FRY: variants seen among roughly 807,000 people sequenced by gnomAD.
The protein encoded by FRY is FRY microtubule binding protein, also known as protein furry homolog.
FRY carries 128 observed loss-of-function variants against 348.4 expected under a neutral mutation model. The ratio of observed to expected loss-of-function variants is 0.37; its 90% CI spans 0.32 to 0.43. FRY has a LOEUF of 0.43. FRY is among the 20% of genes least tolerant of loss of function. The pLI is 1.00. For synonymous variants in FRY, 1,370 were observed against 1,374.7 expected, an observed-to-expected ratio of 1.00 and a Z score of 0.08; for missense variants, 2,736 against 3,695.2, an observed-to-expected ratio of 0.74 and a Z score of 6.73.
chr13:32,240,831 TCCAGATG>T (rs991656336), intron 46 of FRY, among the ~76,000 whole-genome samples: 1 of 152,196 alleles, frequency 6.6e-6, no homozygotes, highest in African/African-American at 2.4e-5. Flanking sequence ...ATATCATCAA[TCCAGATG>T]CCAGATAGGT....
At chr13:32,170,224 A>G (rs1319312144) in intron 17 of FRY, among the ~76,000 whole-genome samples, 1 of 152,218 alleles carries the variant, frequency 6.6e-6, no homozygotes, top group Admixed American at 6.5e-5. Context: ...CCTTAAGAAT[A>G]GGATTCGATA....
At chr13:32,222,001 A>C (rs1354115956) in intron 36 of FRY, among the ~76,000 whole-genome samples, 1 of 152,024 alleles carries the variant, frequency 6.6e-6, no homozygotes, top group African/African-American at 2.4e-5. Flanking sequence ...TTGGTGATCC[A>C]TGGGTGGAGG....
chr13:32,289,860 G>T (rs1889245037), intron 59 of FRY, 117 bp downstream of exon 59: 4 of 709,548 alleles, frequency 5.6e-6, no homozygotes, highest in African/African-American at 1.8e-5. Context: ...TAATTATTTT[G>T]CTCAAACACA....
chr13:32,161,782 G>A (rs1042553417), intron 17 of FRY, among the ~76,000 whole-genome samples: 3 of 152,194 alleles, frequency 2.0e-5, no homozygotes, highest in Non-Finnish European at 4.4e-5. Context: ...ACTAGTTTTA[G>A]TATAGTGCTT....
intron 29 of FRY, among the ~76,000 whole-genome samples, chr13:32,198,534 A>T (rs9567413): frequency 0.046 from 6,965 of 152,280 alleles, 351 homozygotes; most frequent in East Asian, 0.28. Flanking sequence ...AATTCTTTGA[A>T]GTCAGACTTA....
chr13:32,179,454 T>G (rs988452282), intron 22 of FRY, among the ~76,000 whole-genome samples: 1 of 151,756 alleles, frequency 6.6e-6, no homozygotes, highest in Non-Finnish European at 1.5e-5. Context: ...AAAATTTCTT[T>G]AGAATTTGTG....
intron 10 of FRY, among the ~76,000 whole-genome samples, chr13:32,136,241 GTCT>G (rs1031537011): frequency 1.3e-5 from 2 of 152,090 alleles, no homozygotes; most frequent in African/African-American, 4.8e-5. Flanking sequence ...TACCTTTGCT[GTCT>G]TCTCAAGTTG....
intron 28 of FRY, 115 bp downstream of exon 28, chr13:32,187,771 G>A: frequency 2.8e-6 from 2 of 702,042 alleles, no homozygotes; most frequent in African/African-American, 1.7e-5. Flanking sequence ...AGCCACACAA[G>A]TATAGATTTA....
At chr13:32,082,251 A>G (rs1875548097) in intron 2 of FRY, among the ~76,000 whole-genome samples, 2 of 151,978 alleles carry the variant, frequency 1.3e-5, no homozygotes, top group East Asian at 1.9e-4. Context: ...GGAAATAAAA[A>G]TGTTCCACAA....
chr13:32,296,305 T>C lies in FRY; in HGVS notation c.*845T>C, dbSNP rs2072061685. On this transcript the variant is annotated 3_prime_UTR_variant, in exon 61 of 61. Transcript: ENST00000542859. ...ATTCACAAGATAAATTCCAAGTCTT[T>C]TCACCTGTCAGGCATGCATATTTTA... The C allele has an allele frequency of 6.6e-6, 1 of 152,656 alleles. No homozygotes were observed. The highest frequency in any genetic ancestry group is 2.1e-4 in the South Asian group (1 of 4,836). The allele number at this position is 152,656 out of a possible 1,614,324, so 9.5% of individuals were successfully genotyped here. A position where few individuals can be genotyped will look rare whatever the true frequency, so the allele number is the denominator to read the frequency against.
chr13:32,262,586 A>C (rs889462741), intron 53 of FRY, 111 bp downstream of exon 53: 1 of 812,378 alleles, frequency 1.2e-6, no homozygotes, highest in Non-Finnish European at 2.1e-6. Context: ...GACTATCTTT[A>C]TCTTTTTCTT....
chr13:32,126,735 T>C (rs11616390), intron 7 of FRY, among the ~76,000 whole-genome samples: 15,842 of 152,196 alleles, frequency 0.1, 910 homozygotes, highest in African/African-American at 0.13. Flanking sequence ...TGACATTACT[T>C]CTTTCTCATA....
chr13:32,096,045 T>G (rs1876682038), intron 2 of FRY, among the ~76,000 whole-genome samples: 1 of 151,958 alleles, frequency 6.6e-6, no homozygotes, highest in Non-Finnish European at 1.5e-5. Context: ...CTGTCTTTAT[T>G]TCTTCACTCA....
intron 55 of FRY, among the ~76,000 whole-genome samples, chr13:32,268,496 AAAAAAAAAAATAT>A (rs964593583): frequency 5.6e-4 from 11 of 19,614 alleles, no homozygotes; most frequent in Admixed American, 1.5e-3. Flanking sequence ...TAAAAAAAAA[AAAAAAAAAAATAT>A]ATATATATAT....
chr13:32,284,831 CAA>C (rs1229119747), intron 58 of FRY, among the ~76,000 whole-genome samples: 1 of 152,124 alleles, frequency 6.6e-6, no homozygotes, highest in African/African-American at 2.4e-5. Flanking sequence ...TCTCTCATAT[CAA>C]AAGTTTCTTA....
chr13:32,185,299 G>A (rs1882963781), intron 26 of FRY, 151 bp downstream of exon 26: 4 of 719,986 alleles, frequency 5.6e-6, no homozygotes, highest in Non-Finnish European at 2.5e-6. Context: ...ACATATATAT[G>A]AGAACAGATT....
intron 59 of FRY, among the ~76,000 whole-genome samples, chr13:32,291,407 T>C (rs985697921): frequency 3.3e-5 from 5 of 151,384 alleles, no homozygotes; most frequent in African/African-American, 4.8e-5. Context: ...TTTCTTTTTT[T>C]TTTTTTTCTT....
At chr13:32,131,555 C>T in intron 7 of FRY, 117 bp from the exon 8 acceptor site, 1 of 742,148 alleles carries the variant, frequency 1.3e-6, no homozygotes, top group Non-Finnish European at 2.4e-6. Context: ...GGCTGTTGTA[C>T]TTGAACTGAT....
chr13:32,245,238 C>G (rs1384376750), intron 47 of FRY, among the ~76,000 whole-genome samples: 1 of 152,050 alleles, frequency 6.6e-6, no homozygotes, highest in Non-Finnish European at 1.5e-5. Flanking sequence ...TGAGCCACCA[C>G]GTCCAGCCCA....
Sources: gnomAD v4.1 joint callset for allele counts (sites outside exome capture counted in the v4.1 genomes callset) on GRCh38, gnomAD v4.1.1 for gene constraint, MANE v1.5 for transcripts, NCBI Gene and HGNC (gene_info 2026-07-23, HGNC 2026-07-21) for gene names.